Variants in UNC5D observed in about 807,000 individuals in gnomAD.
UNC5D encodes the protein netrin receptor UNC5D.
UNC5D carries 39 observed loss-of-function variants against 105.4 expected under a neutral mutation model. The ratio of observed to expected loss-of-function variants is 0.37; its 90% CI spans 0.29 to 0.48. The LOEUF is 0.48. Ranked by LOEUF, UNC5D falls within the 20% of genes least tolerant of loss-of-function variation. UNC5D has a pLI of 0.98. For synonymous variants in UNC5D, 452 were observed against 450.4 expected (o/e 1.00, Z -0.04); for missense variants, 991 against 1,202.4 (o/e 0.82, Z 2.60).
intron 1 of UNC5D, 51 bp from the exon 2 acceptor site, chr8:35,549,241 G>A (rs756878667): frequency 8.3e-6 from 13 of 1,573,698 alleles, no homozygotes; most frequent in African/African-American, 2.7e-5. Context: ...GTGTCCTGGT[G>A]TATGTGCTAT....
At chr8:35,675,700 G>A (rs1268621682) in intron 4 of UNC5D, among the ~76,000 whole-genome samples, 2 of 151,888 alleles carry the variant, frequency 1.3e-5, no homozygotes, top group Non-Finnish European at 2.9e-5. Context: ...AGGGGCCTGG[G>A]GTCCTGCATA....
chr8:35,737,450 G>T (rs1434415581), intron 11 of UNC5D, among the ~76,000 whole-genome samples: 2 of 151,604 alleles, frequency 1.3e-5, no homozygotes, highest in African/African-American at 4.9e-5. Context: ...TTCTTTCCAG[G>T]GAATAAACAT....
chr8:35,716,451 G>T (rs2131509531), intron 8 of UNC5D, among the ~76,000 whole-genome samples: 1 of 152,294 alleles, frequency 6.6e-6, no homozygotes, highest in East Asian at 1.9e-4. Context: ...CAAAAGCATT[G>T]ATTCTGGAGC....
chr8:35,605,209 C>T (rs1820204788), intron 4 of UNC5D, among the ~76,000 whole-genome samples: 1 of 152,152 alleles, frequency 6.6e-6, no homozygotes, highest in Non-Finnish European at 1.5e-5. Flanking sequence ...TGGTGATGTA[C>T]AGATGGGTTT....
chr8:35,414,101 C>A (rs1805380718), intron 1 of UNC5D, among the ~76,000 whole-genome samples: 1 of 152,054 alleles, frequency 6.6e-6, no homozygotes, highest in Admixed American at 6.6e-5. Context: ...TGATAACCAC[C>A]TGTTTTAGTA....
At chr8:35,629,848 G>T (rs983836753) in intron 4 of UNC5D, among the ~76,000 whole-genome samples, 1 of 152,036 alleles carries the variant, frequency 6.6e-6, no homozygotes. Context: ...CCCACCCCAG[G>T]TCGTAAAAGT....
At chr8:35,724,029 G>A in intron 9 of UNC5D, 1 of 840,522 alleles carries the variant, frequency 1.2e-6, no homozygotes, top group East Asian at 3.5e-5. Flanking sequence ...GCAGCGAATA[G>A]AGTTCTAGAC....
chr8:35,245,171 C>T (rs147620441), intron 1 of UNC5D, among the ~76,000 whole-genome samples: 207 of 152,038 alleles, frequency 1.4e-3, no homozygotes, highest in Middle Eastern at 0.01. Context: ...AGTTGTAAAG[C>T]GAAATTCTTC....
intron 1 of UNC5D, among the ~76,000 whole-genome samples, chr8:35,495,187 G>A (rs569304739): frequency 7.9e-5 from 12 of 152,134 alleles, no homozygotes; most frequent in South Asian, 2.1e-4. Flanking sequence ...CGAGGACTCC[G>A]TACTTGCCAT....
intron 1 of UNC5D, among the ~76,000 whole-genome samples, chr8:35,426,845 C>T (rs977343016): frequency 2.0e-5 from 3 of 152,104 alleles, no homozygotes; most frequent in African/African-American, 2.4e-5. Flanking sequence ...ATTTAATCTA[C>T]GTCATTGCTT....
At chr8:35,660,776 C>T (rs1436771132) in intron 4 of UNC5D, among the ~76,000 whole-genome samples, 1 of 152,164 alleles carries the variant, frequency 6.6e-6, no homozygotes. Context: ...CTGACAACCA[C>T]CTACTGCCCA....
intron 1 of UNC5D, among the ~76,000 whole-genome samples, chr8:35,458,774 G>T (rs1048131392): frequency 2.0e-5 from 3 of 152,054 alleles, no homozygotes; most frequent in Non-Finnish European, 4.4e-5. Context: ...TTTTCCTGTT[G>T]TTTCTTATTA....
intron 1 of UNC5D, chr8:35,544,606 T>G (rs563612329): frequency 3.3e-6 from 5 of 1,494,300 alleles, no homozygotes; most frequent in Non-Finnish European, 4.5e-6. Flanking sequence ...TTTTTTTTTT[T>G]TTTTTTTTTT....
intron 4 of UNC5D, among the ~76,000 whole-genome samples, chr8:35,650,116 C>T (rs918523481): frequency 6.6e-6 from 1 of 151,838 alleles, no homozygotes; most frequent in Non-Finnish European, 1.5e-5. Flanking sequence ...ATTGAAACTA[C>T]AAAAAACAAA....
chr8:35,633,448 A>T (rs559646857), intron 4 of UNC5D, among the ~76,000 whole-genome samples: 17 of 151,794 alleles, frequency 1.1e-4, no homozygotes, highest in Non-Finnish European at 2.4e-4. Context: ...TTTTTTTTTA[A>T]AAAAAAATCC....
chr8:35,547,605 A>G (rs1156283924), intron 1 of UNC5D, among the ~76,000 whole-genome samples: 1 of 152,102 alleles, frequency 6.6e-6, no homozygotes, highest in Non-Finnish European at 1.5e-5. Flanking sequence ...AGTCAGAACA[A>G]TCCTCCTGTT....
chr8:35,690,125 G>C (rs1223839844), intron 7 of UNC5D, among the ~76,000 whole-genome samples: 2 of 151,876 alleles, frequency 1.3e-5, no homozygotes, highest in Non-Finnish European at 2.9e-5. Flanking sequence ...AGCCTTCATT[G>C]TATGCATATT....
chr8:35,630,572 TC>T (rs1224779231), intron 4 of UNC5D, among the ~76,000 whole-genome samples: 1 of 152,174 alleles, frequency 6.6e-6, no homozygotes, highest in East Asian at 1.9e-4. Flanking sequence ...TTGACCCTGT[TC>T]TGGCTCTCTC....
intron 1 of UNC5D, among the ~76,000 whole-genome samples, chr8:35,407,059 A>G (rs1804852371): frequency 6.6e-6 from 1 of 152,076 alleles, no homozygotes. Flanking sequence ...GTAATACTGT[A>G]TTTTTACTGT....
Sources: gnomAD v4.1 joint callset for allele counts (sites outside exome capture counted in the v4.1 genomes callset) on GRCh38, gnomAD v4.1.1 for gene constraint, MANE v1.5 for transcripts, NCBI Gene and HGNC (gene_info 2026-07-23, HGNC 2026-07-21) for gene names.